RNF169: variants seen among roughly 807,000 people sequenced by gnomAD.
RNF169 encodes ring finger protein 169.
Under a neutral mutation model 53.9 loss-of-function variants are expected in RNF169, and 24 were observed. That is an observed-to-expected ratio of 0.45 (90% confidence interval 0.32 to 0.63). RNF169 has a LOEUF of 0.63. Ranked by LOEUF, RNF169 falls within the 20% of genes least tolerant of loss-of-function variation. The pLI is 0.04. For synonymous variants in RNF169, 396 were observed against 363.5 expected (o/e 1.09, Z -1.02); for missense variants, 883 against 906.2 (o/e 0.97, Z 0.33).
At chr11:74,765,258 TAC>T (rs752614523) in intron 1 of RNF169, among the ~76,000 whole-genome samples, 2 of 152,204 alleles carry the variant, frequency 1.3e-5, no homozygotes, top group Non-Finnish European at 2.9e-5. Flanking sequence ...ACTTGATCTC[TAC>T]ACATATGTAG....
intron 4 of RNF169, among the ~76,000 whole-genome samples, chr11:74,827,238 A>G (rs2036112428): frequency 6.6e-6 from 1 of 152,074 alleles, no homozygotes; most frequent in South Asian, 2.1e-4. Context: ...TGGGGCTCGT[A>G]CTCTCTGAAA....
In RNF169 at chr11:74,836,116, C is replaced by T. The variant is rs1436826031; in HGVS notation, c.1513C>T (p.Pro505Ser). Reference sequence around the variant, plus strand: ...CACCTCTGCTGATCTTGATCATTTCCCCTCTGTTAGCCAAACAAAAGCAGA... The same window carrying T: ...CACCTCTGCTGATCTTGATCATTTCTCCTCTGTTAGCCAAACAAAAGCAGA... ...GPTSADLDHF[P>S]SVSQTKAEQD... Residue 505 changes from proline (P) to serine (S), a missense_variant, in exon 6 of 6, where the codon CCC (proline) becomes TCC (serine). Transcript: ENST00000299563. 12 of 1,614,004 alleles carry T rather than the reference C, an allele frequency of 7.4e-6. No homozygotes were observed. The highest frequency in any genetic ancestry group is 9.3e-6 in the Non-Finnish European group (11 of 1,180,034).
At position 74,841,702 on chromosome 11, in the gene RNF169, G is replaced by A. The variant is rs772755107; in HGVS notation, c.*4972G>A. The A allele has an allele frequency of 6.6e-6, 1 of 152,170 alleles. No homozygotes were observed. Among genetic ancestry groups the A allele is most frequent in the Non-Finnish European group, 1.5e-5 (1 of 68,016 alleles). The allele number at this position is 152,170 out of a possible 1,614,324, so 9.4% of individuals were successfully genotyped here. ...AATCAAGAACTAGTTTGAAGCCAAG[G>A]CAAAGCAAGGTTTGTTCATCTTCCT... is the stretch of plus-strand genomic sequence containing the variant. On this transcript the variant is annotated 3_prime_UTR_variant, in exon 6 of 6. Coordinates refer to ENST00000299563, the MANE Select transcript of RNF169 (RefSeq NM_001098638.2).
At chr11:74,804,728 C>T (rs1384425824) in intron 2 of RNF169, among the ~76,000 whole-genome samples, 1 of 152,064 alleles carries the variant, frequency 6.6e-6, no homozygotes, top group East Asian at 1.9e-4. Context: ...TACCAGTTAG[C>T]CTGTGGTAAA....
chr11:74,797,487 TATAA>T (rs1317420890), intron 2 of RNF169, among the ~76,000 whole-genome samples: 2 of 152,192 alleles, frequency 1.3e-5, no homozygotes, highest in Non-Finnish European at 1.5e-5. Flanking sequence ...CTTATTCGAT[TATAA>T]ATCTTTCAAG....
chr11:74,797,446 A>T (rs942896941), intron 2 of RNF169, among the ~76,000 whole-genome samples: 1 of 152,218 alleles, frequency 6.6e-6, no homozygotes, highest in East Asian at 1.9e-4. Flanking sequence ...GTTATACCAC[A>T]GAACAAGCAG....
At chr11:74,801,410 A>G (rs2035727469) in intron 2 of RNF169, among the ~76,000 whole-genome samples, 1 of 152,192 alleles carries the variant, frequency 6.6e-6, no homozygotes, top group Non-Finnish European at 1.5e-5. Context: ...AGTCCAGGAA[A>G]CAGAGGATAT....
intron 1 of RNF169, among the ~76,000 whole-genome samples, chr11:74,760,237 T>G (rs2035059399): frequency 6.6e-6 from 1 of 152,168 alleles, no homozygotes; most frequent in Non-Finnish European, 1.5e-5. Flanking sequence ...GTCTATCAAT[T>G]TTGTTGATCC....
chr11:74,826,720 A>T (rs1176707513), intron 4 of RNF169, among the ~76,000 whole-genome samples: 6 of 152,266 alleles, frequency 3.9e-5, no homozygotes. Context: ...GGCCAAAATG[A>T]AGGGGCTACA....
At chr11:74,808,360 A>G (rs1436102667) in intron 2 of RNF169, among the ~76,000 whole-genome samples, 1 of 152,206 alleles carries the variant, frequency 6.6e-6, no homozygotes, top group Non-Finnish European at 1.5e-5. Flanking sequence ...AAAAATAGCA[A>G]TATTTATGTA....
At chr11:74,810,750 T>A (rs2035864273) in intron 3 of RNF169, among the ~76,000 whole-genome samples, 1 of 152,078 alleles carries the variant, frequency 6.6e-6, no homozygotes, top group Non-Finnish European at 1.5e-5. Flanking sequence ...AGTGTAGATA[T>A]AAGGTAGGTT....
chr11:74,832,371 G>C (rs2036192796), intron 4 of RNF169: 1 of 151,434 alleles, frequency 6.6e-6, no homozygotes, highest in East Asian at 1.9e-4. Flanking sequence ...TTGCCAAAAT[G>C]GAGTTTATGG....
chr11:74,823,133 ATTTT>A (rs762482269), intron 4 of RNF169, among the ~76,000 whole-genome samples: 5 of 152,146 alleles, frequency 3.3e-5, no homozygotes, highest in Non-Finnish European at 7.3e-5. Flanking sequence ...TTTATATAAT[ATTTT>A]TACATTCATG....
At chr11:74,796,422 CTT>C (rs1272279309) in intron 2 of RNF169, among the ~76,000 whole-genome samples, 1 of 152,108 alleles carries the variant, frequency 6.6e-6, no homozygotes, top group African/African-American at 2.4e-5. Context: ...GTATTGATAT[CTT>C]TTAATGTTTT....
chr11:74,829,775 T>C (rs552589211), intron 4 of RNF169, among the ~76,000 whole-genome samples: 4 of 152,192 alleles, frequency 2.6e-5, no homozygotes, highest in African/African-American at 9.6e-5. Context: ...TTCTCATTTA[T>C]AAAGTGGGAG....
intron 2 of RNF169, among the ~76,000 whole-genome samples, chr11:74,793,216 TAGGGTATGGGAAC>T (rs2135089592): frequency 6.6e-6 from 1 of 152,256 alleles, no homozygotes; most frequent in South Asian, 2.1e-4. Flanking sequence ...TCGATTGGGA[TAGGGTATGGGAAC>T]AGGGATTAGC....
At chr11:74,820,863 T>C (rs1021661223) in intron 4 of RNF169, among the ~76,000 whole-genome samples, 2 of 152,208 alleles carry the variant, frequency 1.3e-5, no homozygotes, top group African/African-American at 2.4e-5. Flanking sequence ...TGTCAGGAGC[T>C]AGCCTTTTCC....
At chr11:74,769,581 G>A (rs886775075) in intron 1 of RNF169, among the ~76,000 whole-genome samples, 1 of 152,186 alleles carries the variant, frequency 6.6e-6, no homozygotes, top group Non-Finnish European at 1.5e-5. Context: ...AGTTGTCTTT[G>A]ATAGGAGAAG....
At chr11:74,755,989 G>A (rs1019974500) in intron 1 of RNF169, among the ~76,000 whole-genome samples, 1 of 152,144 alleles carries the variant, frequency 6.6e-6, no homozygotes, top group East Asian at 1.9e-4. Flanking sequence ...TATATTGGTT[G>A]GAAGAGGAAA....
Sources: allele counts gnomAD v4.1 joint callset (sites outside exome capture counted in the v4.1 genomes callset), GRCh38; gene constraint gnomAD v4.1.1; transcripts MANE v1.5; gene names NCBI Gene and HGNC (gene_info 2026-07-23, HGNC 2026-07-21).